The following SLC25A20 variants were observed in gnomAD, a reference collection of about 807,000 sequenced individuals.
SLC25A20 encodes mitochondrial carnitine/acylcarnitine carrier protein.
Under a neutral mutation model 39.7 loss-of-function variants are expected in SLC25A20, and 29 were observed. The ratio of observed to expected loss-of-function variants is 0.73; its 90% CI spans 0.54 to 1.00. SLC25A20 has a LOEUF of 1.00. Among genes scored for constraint, SLC25A20 ranks in the 50% least tolerant of loss-of-function variants. The pLI is 0.00. For synonymous variants in SLC25A20, 103 were observed against 142.2 expected (o/e 0.72, Z 1.96); for missense variants, 333 against 379.9 (o/e 0.88, Z 1.03).
intron 4 of SLC25A20, among the ~76,000 whole-genome samples, chr3:48,875,363 G>C (rs1235313454): frequency 1.3e-5 from 2 of 151,974 alleles, no homozygotes; most frequent in Non-Finnish European, 2.9e-5. Flanking sequence ...GCCTCCTAAA[G>C]TGCTGGGATT....
chr3:48,877,521 G>A (rs886735513), intron 4 of SLC25A20, among the ~76,000 whole-genome samples: 1 of 151,994 alleles, frequency 6.6e-6, no homozygotes, highest in African/African-American at 2.4e-5. Context: ...ACAAGGTCAG[G>A]AGATCGAAAC....
chr3:48,862,763 TA>T (rs1192631243), intron 4 of SLC25A20, 104 bp from the exon 5 acceptor site: 2 of 776,878 alleles, frequency 2.6e-6, no homozygotes, highest in African/African-American at 1.7e-5. Flanking sequence ...GTTACAGCAA[TA>T]AAAGACTTCA....
In SLC25A20 at chr3:48,890,495, T is replaced by G. The variant is rs186887658; in HGVS notation, c.198+1485A>C. 1.1e-4 allele frequency among the ~76,000 whole-genome samples: 17 copies of G among 151,528 alleles called. No individual in the cohort carries two copies. The East Asian group carries it at 2.4e-3, about 21-fold the overall frequency. On this transcript the variant is annotated intron_variant, in intron 2 of 8. Coordinates refer to ENST00000319017, the MANE Select transcript of SLC25A20 (RefSeq NM_000387.6). ...TGAGCCACCGCGCCCGGCCTGATCT[T>G]TCTTATAAGTGCATAGAGGAAAATG...
In SLC25A20 at chr3:48,864,563, T is replaced by G. The variant is rs537893645; in HGVS notation, c.418-1904A>C. Among the ~76,000 whole-genome samples the G allele has an allele frequency of 4.3e-4, 65 of 152,060 alleles. 1 individual carries two copies. Among genetic ancestry groups the G allele is most frequent in the Middle Eastern group, 6.8e-3 (2 of 294 alleles). Reference sequence around the variant, plus strand: ...AATGTCAATTGAGTATCAATGGTTTTTTTTTTTTTTGGTATAACTTCCCCA... The same window carrying G: ...AATGTCAATTGAGTATCAATGGTTTGTTTTTTTTTTGGTATAACTTCCCCA... On this transcript the variant is annotated intron_variant, in intron 4 of 8. Transcript: ENST00000319017.
intron 4 of SLC25A20, among the ~76,000 whole-genome samples, chr3:48,876,216 G>A (rs570741612): frequency 2.6e-5 from 4 of 151,580 alleles, no homozygotes; most frequent in Non-Finnish European, 4.4e-5. Context: ...GGTGGCAAGC[G>A]CTGTAATCTC....
chr3:48,862,391 TG>T, intron 5 of SLC25A20, 150 bp downstream of exon 5: 1 of 703,554 alleles, frequency 1.4e-6, no homozygotes, highest in Admixed American at 2.0e-5. Flanking sequence ...ACGTCCATGC[TG>T]GCCAGGGGGA....
At chr3:48,860,954 C>G (rs1039821194) in intron 5 of SLC25A20, among the ~76,000 whole-genome samples, 2 of 151,450 alleles carry the variant, frequency 1.3e-5, no homozygotes, top group African/African-American at 4.8e-5. Flanking sequence ...CTGCCTCAGC[C>G]TCCTGAGTAG....
intron 4 of SLC25A20, among the ~76,000 whole-genome samples, chr3:48,872,497 T>C (rs533470929): frequency 2.0e-5 from 3 of 151,636 alleles, no homozygotes. Flanking sequence ...CAATAAATGA[T>C]ATAAGCGGAG....
chr3:48,875,370 G>T (rs997609583), intron 4 of SLC25A20, among the ~76,000 whole-genome samples: 1 of 151,966 alleles, frequency 6.6e-6, no homozygotes, highest in Non-Finnish European at 1.5e-5. Flanking sequence ...AAAGTGCTGG[G>T]ATTACTGGCG....
At chr3:48,868,791 C>A (rs1365587896) in intron 4 of SLC25A20, among the ~76,000 whole-genome samples, 1 of 152,176 alleles carries the variant, frequency 6.6e-6, no homozygotes, top group African/African-American at 2.4e-5. Context: ...AGACTTTCAC[C>A]TTTATGGAGT....
chr3:48,869,963 A>G (rs1421822527), intron 4 of SLC25A20, among the ~76,000 whole-genome samples: 1 of 152,036 alleles, frequency 6.6e-6, no homozygotes, highest in East Asian at 1.9e-4. Context: ...ACAAAAAACT[A>G]AAAAATTAGC....
At chr3:48,891,942 G>A (rs768190105) in intron 2 of SLC25A20, 38 bp downstream of exon 2, 1 of 1,490,620 alleles carries the variant, frequency 6.7e-7, no homozygotes, top group Non-Finnish European at 9.4e-7. Context: ...CCGTGAATGT[G>A]TTCTGAGTAA....
intron 5 of SLC25A20, among the ~76,000 whole-genome samples, chr3:48,860,520 G>A (rs141748626): frequency 3.6e-3 from 553 of 151,602 alleles, no homozygotes; most frequent in African/African-American, 0.013. Flanking sequence ...CAGGAGAATC[G>A]CTTGAATCCA....
chr3:48,863,791 C>A (rs1460563387), intron 4 of SLC25A20, among the ~76,000 whole-genome samples: 6 of 151,502 alleles, frequency 4.0e-5, no homozygotes, highest in African/African-American at 7.3e-5. Flanking sequence ...CTGAGGCGGG[C>A]AGATCATGAG....
At chr3:48,875,779 G>A (rs2083751190) in intron 4 of SLC25A20, among the ~76,000 whole-genome samples, 1 of 152,076 alleles carries the variant, frequency 6.6e-6, no homozygotes, top group African/African-American at 2.4e-5. Context: ...CACGTTGGGA[G>A]GCCAAGGCAG....
At chr3:48,874,438 T>A (rs977691154) in intron 4 of SLC25A20, among the ~76,000 whole-genome samples, 2 of 150,458 alleles carry the variant, frequency 1.3e-5, no homozygotes, top group Non-Finnish European at 3.0e-5. Context: ...TGCACTCCAG[T>A]CTAGGCAACA....
At chr3:48,894,403 G>C (rs1193765768) in intron 1 of SLC25A20, among the ~76,000 whole-genome samples, 1 of 149,820 alleles carries the variant, frequency 6.7e-6, no homozygotes, top group Non-Finnish European at 1.5e-5. Flanking sequence ...TGGGATTACA[G>C]GTGCGTGCCA....
chr3:48,898,673 G>C lies in SLC25A20; in HGVS notation c.105+17C>G. 1 of 1,586,024 alleles carries C rather than the reference G, an allele frequency of 6.3e-7. No individual in the cohort carries two copies. The highest frequency in any genetic ancestry group is 2.3e-5 in the East Asian group (1 of 43,398). ...CCCGGGCCTCCTCCCCAAAGCCTGC[G>C]ACCCAGCCTCCCGCACCTTGACCGT... On this transcript the variant is annotated intron_variant, in intron 1 of 8. Coordinates refer to ENST00000319017, the MANE Select transcript of SLC25A20 (RefSeq NM_000387.6).
At chr3:48,882,261 C>A (rs1444201969) in intron 3 of SLC25A20, among the ~76,000 whole-genome samples, 1 of 152,312 alleles carries the variant, frequency 6.6e-6, no homozygotes, top group East Asian at 1.9e-4. Context: ...CTCTTCATAC[C>A]CAAATCCAAC....
Sources: allele counts gnomAD v4.1 joint callset (sites outside exome capture counted in the v4.1 genomes callset), GRCh38; gene constraint gnomAD v4.1.1; transcripts MANE v1.5; gene names NCBI Gene and HGNC (gene_info 2026-07-23, HGNC 2026-07-21).